The following AKAP6 variants were observed in gnomAD, a reference collection of about 807,000 sequenced individuals.
AKAP6 encodes the protein A-kinase anchoring protein 6.
Under a neutral mutation model 188.5 loss-of-function variants are expected in AKAP6, and 58 were observed. The observed-to-expected ratio is 0.31, with a 90% CI of 0.25 to 0.38. AKAP6 has a LOEUF of 0.38. Ranked by LOEUF, AKAP6 falls within the 10% of genes least tolerant of loss-of-function variation. The pLI is 1.00. For synonymous variants in AKAP6, 989 were observed against 998.6 expected (o/e 0.99, Z 0.18); for missense variants, 2,710 against 2,740.0 (o/e 0.99, Z 0.24).
intron 9 of AKAP6, among the ~76,000 whole-genome samples, chr14:32,715,835 A>G (rs2030166836): frequency 6.6e-6 from 1 of 151,976 alleles, no homozygotes; most frequent in Non-Finnish European, 1.5e-5. Context: ...GAAGTTATAT[A>G]TACAAATAAG....
At chr14:32,660,867 G>A (rs1888658780) in intron 7 of AKAP6, among the ~76,000 whole-genome samples, 1 of 149,374 alleles carries the variant, frequency 6.7e-6, no homozygotes, top group African/African-American at 2.5e-5. Flanking sequence ...CTGGGACCTA[G>A]ATAAAATTTA....
chr14:32,629,412 C>CAAA (rs5807669), intron 7 of AKAP6, among the ~76,000 whole-genome samples: 27 of 90,206 alleles, frequency 3.0e-4, no homozygotes, highest in East Asian at 5.5e-4. Context: ...GCGAGTTTCT[C>CAAA]AAAAAAAAAA....
At chr14:32,702,856 C>T (rs1890670644) in intron 9 of AKAP6, among the ~76,000 whole-genome samples, 1 of 152,160 alleles carries the variant, frequency 6.6e-6, no homozygotes, top group Non-Finnish European at 1.5e-5. Context: ...GTCTTTGTCA[C>T]CTTTTCTCAG....
At chr14:32,573,224 G>A (rs1884572231) in intron 4 of AKAP6, among the ~76,000 whole-genome samples, 1 of 152,174 alleles carries the variant, frequency 6.6e-6, no homozygotes, top group South Asian at 2.1e-4. Flanking sequence ...CTAAAATGCA[G>A]CCTTTCAAAG....
chr14:32,803,097 A>G (rs894974638), intron 12 of AKAP6, among the ~76,000 whole-genome samples: 3 of 152,054 alleles, frequency 2.0e-5, no homozygotes, highest in Non-Finnish European at 4.4e-5. Context: ...CTTAAAAAAG[A>G]TTTTTTAGAT....
chr14:32,539,328 G>T (rs545667439), intron 3 of AKAP6, among the ~76,000 whole-genome samples: 1 of 152,120 alleles, frequency 6.6e-6, no homozygotes, highest in African/African-American at 2.4e-5. Context: ...TACCTTCTGC[G>T]TGGGGATGCA....
At chr14:32,598,834 C>T (rs912358515) in intron 5 of AKAP6, among the ~76,000 whole-genome samples, 2 of 152,008 alleles carry the variant, frequency 1.3e-5, no homozygotes, top group Non-Finnish European at 1.5e-5. Context: ...TATTTGTTTA[C>T]AAGGCAGTGT....
intron 1 of AKAP6, among the ~76,000 whole-genome samples, chr14:32,340,767 C>T (rs76061804): frequency 0.012 from 1,874 of 152,264 alleles, 28 homozygotes; most frequent in Middle Eastern, 0.034. Flanking sequence ...GGTCAAGGTA[C>T]CAAAGATTTG....
At chr14:32,670,287 AG>A (rs1163686155) in intron 7 of AKAP6, among the ~76,000 whole-genome samples, 1 of 152,106 alleles carries the variant, frequency 6.6e-6, no homozygotes, top group Non-Finnish European at 1.5e-5. Context: ...CTACAATTCA[AG>A]ATGAGATTTA....
intron 2 of AKAP6, among the ~76,000 whole-genome samples, chr14:32,521,924 C>T (rs1881857222): frequency 9.2e-5 from 14 of 152,206 alleles, no homozygotes; most frequent in Admixed American, 9.2e-4. Flanking sequence ...CATCATGCTA[C>T]CTGACTTCAA....
intron 7 of AKAP6, among the ~76,000 whole-genome samples, chr14:32,672,480 C>G (rs1889250827): frequency 6.6e-6 from 1 of 152,156 alleles, no homozygotes; most frequent in Non-Finnish European, 1.5e-5. Flanking sequence ...TGGCCACCTT[C>G]TTGCTGTGTT....
chr14:32,657,715 T>C (rs1181070485), intron 7 of AKAP6, among the ~76,000 whole-genome samples: 4 of 127,390 alleles, frequency 3.1e-5, no homozygotes, highest in Admixed American at 3.0e-4. Flanking sequence ...AAGCTCACCA[T>C]TTTTTTTTTT....
intron 9 of AKAP6, among the ~76,000 whole-genome samples, chr14:32,719,655 T>C (rs2030423282): frequency 6.6e-6 from 1 of 152,230 alleles, no homozygotes; most frequent in South Asian, 2.1e-4. Context: ...TTTAAAACTC[T>C]ATGTGATTTG....
At chr14:32,372,685 G>C (rs757766880) in intron 1 of AKAP6, among the ~76,000 whole-genome samples, 6 of 151,604 alleles carry the variant, frequency 4.0e-5, no homozygotes, top group Non-Finnish European at 8.8e-5. Context: ...CTAGTAGGAG[G>C]AATTAGGAAC....
chr14:32,671,476 T>G (rs1434620276), intron 7 of AKAP6, among the ~76,000 whole-genome samples: 1 of 150,600 alleles, frequency 6.6e-6, no homozygotes, highest in East Asian at 2.0e-4. Context: ...CAATGGATTA[T>G]TTTTCTTTTT....
In AKAP6 at chr14:32,433,554, A is replaced by G. The variant is rs1287742619; in HGVS notation, c.61A>G (p.Thr21Ala). Residue 21 changes from threonine (T) to alanine (A), a missense_variant, in exon 2 of 14, where the codon ACT (threonine) becomes GCT (alanine). This residue lies in a region of AKAP6 where 237 missense variants were observed against 313.9 expected (regional missense o/e 0.76). Coordinates refer to ENST00000280979, the MANE Select transcript of AKAP6 (RefSeq NM_004274.5). ...LRSQDLDPMA[T>A]DASPMAINMT... ...GTCACAGGACCTGGATCCCATGGCT[A>G]CTGATGCTTCACCCATGGCCATCAA... 1 of 1,614,118 alleles carries G rather than the reference A, an allele frequency of 6.2e-7. No individual in the cohort carries two copies.
chr14:32,655,891 G>A (rs1888433197), intron 7 of AKAP6, among the ~76,000 whole-genome samples: 1 of 151,976 alleles, frequency 6.6e-6, no homozygotes. Flanking sequence ...CCAGATTTAT[G>A]GTGATCATGT....
chr14:32,468,807 T>C (rs764633640), intron 2 of AKAP6, among the ~76,000 whole-genome samples: 10 of 152,134 alleles, frequency 6.6e-5, no homozygotes, highest in African/African-American at 9.7e-5. Flanking sequence ...ATGTCCTGCG[T>C]TCTAATTGGA....
At chr14:32,704,576 T>C (rs2139726871) in intron 9 of AKAP6, among the ~76,000 whole-genome samples, 1 of 152,272 alleles carries the variant, frequency 6.6e-6, no homozygotes, top group East Asian at 1.9e-4. Flanking sequence ...TTATCTTTAG[T>C]GGTTATATTC....
Sources: gnomAD v4.1 joint callset for allele counts (sites outside exome capture counted in the v4.1 genomes callset) on GRCh38, gnomAD v4.1.1 for gene constraint, gnomAD v4.1.1 regional missense constraint, MANE v1.5 for transcripts, NCBI Gene and HGNC (gene_info 2026-07-23, HGNC 2026-07-21) for gene names.